MYOCD: variants seen among roughly 807,000 people sequenced by gnomAD.
The protein encoded by MYOCD is myocardin.
A neutral mutation model predicts 96.1 loss-of-function variants in MYOCD; 32 were observed. That is an observed-to-expected ratio of 0.33 (90% CI 0.25 to 0.45). The LOEUF (loss-of-function observed/expected upper bound fraction) is 0.45. Ranked by LOEUF, MYOCD falls within the 20% of genes least tolerant of loss-of-function variation. The pLI, the probability that MYOCD is intolerant of heterozygous loss-of-function variation, is 1.00. For missense variants in MYOCD, 1,133 were observed against 1,200.6 expected (o/e 0.94, Z 0.83); for synonymous variants, 469 against 469.0 (o/e 1.00, Z 0.00).
rs190193395 is a variant in MYOCD, at chr17:12,697,398, T to G, written c.56-7730T>G. Among the ~76,000 whole-genome samples, 1,349 of 141,054 alleles carry G rather than the reference T, an allele frequency of 9.6e-3. 25 individuals carry two copies. The highest frequency in any genetic ancestry group is 0.033 in the African/African-American group (1,254 of 37,900). The allele number at this position is 141,054 out of a possible 152,430, so 92.5% of individuals were successfully genotyped here. ...TTTTTTTTGAGACGGGGTCTCGCTC[T>G]GTCGCCCAGGCTGGAGTGCAGTGGC... On this transcript the variant is annotated intron_variant, in intron 1 of 13. Transcript: ENST00000425538.
intron 1 of MYOCD, among the ~76,000 whole-genome samples, chr17:12,704,098 A>G (rs2031193702): frequency 6.6e-6 from 1 of 152,108 alleles, no homozygotes; most frequent in Admixed American, 6.6e-5. Flanking sequence ...TTTGTGTTAG[A>G]GTATTTTAGA....
At chr17:12,758,271 T>C (rs778703935) in intron 12 of MYOCD, 58 bp downstream of exon 12, 1 of 1,609,234 alleles carries the variant, frequency 6.2e-7, no homozygotes, top group Non-Finnish European at 8.5e-7. Flanking sequence ...ACAGACATTG[T>C]TTGATATGAT....
At position 12,752,621 on chromosome 17, in the gene MYOCD, G is replaced by A. The variant is rs115035111; in HGVS notation, c.1333G>A (p.Gly445Ser). Residue 445 changes from glycine to serine, a missense_variant, in exon 10 of 14, where the codon GGC (glycine) becomes AGC (serine). By Grantham distance (56) the Gly-to-Ser change is moderately conservative. Transcript: ENST00000425538. ...SSSSTSALSN[G>S]FYHFGSTSSS... is the part of the protein sequence containing the mutation. The stretch of plus-strand genomic sequence containing the variant: ...CTCTTCTACCAGTGCCCTGTCCAAC[G>A]GCTTCTACCACTTTGGCAGCACCAG... 8.4e-4 allele frequency: 1,358 copies of A among 1,613,970 alleles called. 3 individuals are homozygous for A. The African/African-American group carries it at 9.7e-3, about 12-fold the overall frequency.
intron 7 of MYOCD, among the ~76,000 whole-genome samples, chr17:12,743,130 C>A (rs2032561275): frequency 6.6e-6 from 1 of 152,168 alleles, no homozygotes; most frequent in Non-Finnish European, 1.5e-5. Flanking sequence ...TTTGTCTTAT[C>A]TTCCAAGACT....
intron 9 of MYOCD, among the ~76,000 whole-genome samples, chr17:12,749,717 A>ATATACATATATGTATATATATGTGTATG (rs548373868): frequency 2.0e-5 from 3 of 147,672 alleles, no homozygotes; most frequent in African/African-American, 7.4e-5. Flanking sequence ...GTGTATATAT[A>ATATACATATATGTATATATATGTGTATG]TGTGTGTGTG....
At chr17:12,740,342 T>C (rs993285022) in intron 7 of MYOCD, among the ~76,000 whole-genome samples, 8 of 152,074 alleles carry the variant, frequency 5.3e-5, no homozygotes, top group African/African-American at 1.9e-4. Flanking sequence ...CTTCCCCCAA[T>C]CCCCAAATTC....
At chr17:12,707,655 A>G (rs1434300096) in intron 2 of MYOCD, among the ~76,000 whole-genome samples, 1 of 152,198 alleles carries the variant, frequency 6.6e-6, no homozygotes, top group African/African-American at 2.4e-5. Flanking sequence ...CAGAGCTTGC[A>G]GTGAGCAGAG....
At chr17:12,750,426 C>T (rs1196975870) in intron 9 of MYOCD, among the ~76,000 whole-genome samples, 1 of 152,120 alleles carries the variant, frequency 6.6e-6, no homozygotes, top group Non-Finnish European at 1.5e-5. Context: ...CTATGGCTCA[C>T]GCCTGTAATC....
At chr17:12,717,509 G>A (rs1009023142) in intron 4 of MYOCD, 88 bp downstream of exon 4, 4 of 1,091,648 alleles carry the variant, frequency 3.7e-6, no homozygotes, top group Non-Finnish European at 5.4e-6. Context: ...CAGTTGCTAA[G>A]CCCTCTTAAA....
chr17:12,756,615 T>A, intron 11 of MYOCD, 58 bp downstream of exon 11: 1 of 1,464,050 alleles, frequency 6.8e-7, no homozygotes, highest in South Asian at 1.3e-5. Context: ...CTCTCTTCTG[T>A]AACCCGGGAG....
chr17:12,709,736 G>T (rs1449137525), intron 2 of MYOCD, among the ~76,000 whole-genome samples: 1 of 152,132 alleles, frequency 6.6e-6, no homozygotes, highest in African/African-American at 2.4e-5. Flanking sequence ...TGGGCTCAAG[G>T]TTGCAAGAGA....
intron 1 of MYOCD, among the ~76,000 whole-genome samples, chr17:12,691,638 T>TA (rs145868674): frequency 0.02 from 3,087 of 152,262 alleles, 143 homozygotes; most frequent in Admixed American, 0.11. Context: ...ATTCTTCATT[T>TA]AAAAAGACAT....
Position 12,753,244 on chromosome 17 carries a change from C to T in MYOCD, c.1956C>T (p.Pro652=), listed in dbSNP as rs1410618286. The change falls in exon 10 of 14, where the codon CCC becomes CCT. Residue 652 remains proline, a synonymous_variant. Coordinates refer to ENST00000425538, the MANE Select transcript of MYOCD (RefSeq NM_001146312.3). Reference sequence around the variant, plus strand: ...AAAGCCCACAGCACATCAGTTTGCCCCCATCACCCAACAACCCTCACTTTC... The same window carrying T: ...AAAGCCCACAGCACATCAGTTTGCCTCCATCACCCAACAACCCTCACTTTC... ...AVKSPQHISL[P]PSPNNPHFLP... 2 of 1,614,188 alleles carry T rather than the reference C, an allele frequency of 1.2e-6. No homozygotes were observed.
chr17:12,710,835 C>A (rs1201852411), intron 2 of MYOCD, among the ~76,000 whole-genome samples: 2 of 152,102 alleles, frequency 1.3e-5, no homozygotes, highest in African/African-American at 2.4e-5. Context: ...CATGTCAATC[C>A]CATTTGGGTC....
chr17:12,700,745 A>C (rs10491103), intron 1 of MYOCD, among the ~76,000 whole-genome samples: 24,973 of 152,008 alleles, frequency 0.16, 2,146 homozygotes, highest in Admixed American at 0.2. Context: ...ATTAAGATCT[A>C]TGATATTGAA....
Position 12,745,910 on chromosome 17 carries a change from G to T in MYOCD, c.972-9G>T, listed in dbSNP as rs747896730. Reference sequence around the variant, plus strand: ...TTGTACTTGAAATGCCTCTTTGTTTGTTTTTTAGGGAACCAAATGAACAGA... The same window carrying T: ...TTGTACTTGAAATGCCTCTTTGTTTTTTTTTTAGGGAACCAAATGAACAGA... On this transcript the variant is annotated splice_polypyrimidine_tract_variant and intron_variant, in intron 8 of 13. Transcript: ENST00000425538. 1.2e-6 allele frequency: 2 copies of T among 1,613,214 alleles called. No individual in the cohort carries two copies. The highest frequency in any genetic ancestry group is 1.7e-5 in the Admixed American group (1 of 59,862).
At chr17:12,704,848 T>G (rs2031225295) in intron 1 of MYOCD, 5 of 349,060 alleles carry the variant, frequency 1.4e-5, no homozygotes, top group Admixed American at 4.7e-5. Context: ...TGACAGAGTG[T>G]AGAGAGAGAG....
In MYOCD at chr17:12,758,157, A is replaced by C; in HGVS notation, c.2275A>C (p.Ser759Arg). The C allele has an allele frequency of 6.2e-7, 1 of 1,614,182 alleles. No individual in the cohort carries two copies. The highest frequency in any genetic ancestry group is 8.5e-7 in the Non-Finnish European group (1 of 1,180,034). The change falls in exon 12 of 14, where the codon AGT becomes CGT. Residue 759 changes from serine (S) to arginine (R), a missense_variant. By Grantham distance (110) the Ser-to-Arg change is moderately radical. Transcript: ENST00000425538. ...TCCATCCCCAACTTTTTCTAAGTCA[A>C]GTTCAGCAATTTCAGAGGTAACACA... ...SIPSPTFSKSSSAISEVTQPP... is the reference protein window; with the variant it reads ...SIPSPTFSKSRSAISEVTQPP...
chr17:12,704,963 C>T (rs1324817052), intron 1 of MYOCD, 165 bp from the exon 2 acceptor site: 2 of 596,876 alleles, frequency 3.4e-6, no homozygotes. Context: ...CTCAGCTTCT[C>T]TCCTTCTTCT....
Sources: gnomAD v4.1 joint callset for allele counts (sites outside exome capture counted in the v4.1 genomes callset) on GRCh38, gnomAD v4.1.1 for gene constraint, MANE v1.5 for transcripts, NCBI Gene and HGNC (gene_info 2026-07-23, HGNC 2026-07-21) for gene names.